The following ITGA6 variants were observed in gnomAD, a reference collection of about 807,000 sequenced individuals.
The protein encoded by ITGA6 is integrin subunit alpha 6.
Under a neutral mutation model 133.6 loss-of-function variants are expected in ITGA6, and 63 were observed. The observed-to-expected ratio is 0.47, with a 90% confidence interval of 0.38 to 0.58. The LOEUF is 0.58. ITGA6 is among the 20% of genes least tolerant of loss of function. The pLI, the probability that ITGA6 is intolerant of heterozygous loss-of-function variation, is 0.00. For missense variants in ITGA6, 1,068 were observed against 1,309.4 expected, an observed-to-expected ratio of 0.82 and a Z score of 2.85; for synonymous variants, 434 against 482.0, an observed-to-expected ratio of 0.90 and a Z score of 1.30.
chr2:172,461,087 A>G (rs1685410804), intron 1 of ITGA6, among the ~76,000 whole-genome samples: 1 of 152,186 alleles, frequency 6.6e-6, no homozygotes, highest in South Asian at 2.1e-4. Context: ...AGAATTTTGA[A>G]ATAACCTTGT....
intron 1 of ITGA6, among the ~76,000 whole-genome samples, chr2:172,461,193 T>C (rs143358173): frequency 6.6e-6 from 1 of 152,256 alleles, no homozygotes; most frequent in Non-Finnish European, 1.5e-5. Flanking sequence ...GTTACTGTTA[T>C]ACTTATATCG....
In ITGA6 at chr2:172,487,554, A is replaced by G; in HGVS notation, c.2168A>G (p.Gln723Arg). The G allele has an allele frequency of 6.2e-7, 1 of 1,614,128 alleles. No individual in the cohort carries two copies. Among genetic ancestry groups the G allele is most frequent in the Non-Finnish European group, 8.5e-7 (1 of 1,179,934 alleles). The change falls in exon 16 of 26, where the codon CAG becomes CGG. Residue 723 changes from glutamine (Q) to arginine (R), a missense_variant. Transcript: ENST00000684293. ...YRELRAFPEK[Q>R]LSCVANQNGS... ...CGTGTGTTTCTTTTACAGGAGAAACAGTTGAGTTGTGTTGCCAACCAGAAT... is the reference window on the plus strand; with the variant it reads ...CGTGTGTTTCTTTTACAGGAGAAACGGTTGAGTTGTGTTGCCAACCAGAAT...
intron 3 of ITGA6, among the ~76,000 whole-genome samples, chr2:172,468,628 T>C (rs1480865499): frequency 1.3e-5 from 2 of 152,188 alleles, no homozygotes; most frequent in Non-Finnish European, 2.9e-5. Flanking sequence ...AAGTTAGGAC[T>C]GATTACAAGG....
At chr2:172,427,508 AGGAGGGGCGAGAGGGTGG>A (rs1273121718), upstream of ITGA6, 8 of 909,590 alleles carry the variant, frequency 8.8e-6, no homozygotes, top group Non-Finnish European at 1.1e-5. Flanking sequence ...CGGGCGCGCA[AGGAGGGGCGAGAGGGTGG>A]GGAGGGGCGG....
chr2:172,502,748 T>G (rs1687397854), intron 25 of ITGA6, among the ~76,000 whole-genome samples: 1 of 152,248 alleles, frequency 6.6e-6, no homozygotes, highest in South Asian at 2.1e-4. Flanking sequence ...TTCTCTTATT[T>G]GGAAATACAT....
At chr2:172,485,984 C>T (rs909002973) in intron 13 of ITGA6, among the ~76,000 whole-genome samples, 1 of 152,106 alleles carries the variant, frequency 6.6e-6, no homozygotes, top group African/African-American at 2.4e-5. Context: ...TGAGACCAGC[C>T]TGGCCAACAT....
intron 1 of ITGA6, among the ~76,000 whole-genome samples, chr2:172,453,333 C>T (rs6718033): frequency 0.2 from 29,745 of 151,958 alleles, 3,048 homozygotes; most frequent in African/African-American, 0.22. Flanking sequence ...TCGAGACCAG[C>T]CTGAGCAACA....
rs1205779224 is a variant in ITGA6, at chr2:172,488,054, T to C, written c.2402+16T>C. ...CGGTCTCGGGGTAAGTGTTTGTGTT[T>C]AGCATAACAAATCAATGTTTGAAAG... On this transcript the variant is annotated intron_variant, in intron 18 of 25. Coordinates refer to ENST00000684293, the MANE Select transcript of ITGA6 (RefSeq NM_000210.4). 8 of 1,613,238 alleles carry C rather than the reference T, an allele frequency of 5.0e-6. No homozygotes were observed. The highest frequency in any genetic ancestry group is 3.3e-5 in the South Asian group (3 of 91,064).
chr2:172,499,533 AT>A (rs1687266494), intron 24 of ITGA6, among the ~76,000 whole-genome samples: 1 of 151,412 alleles, frequency 6.6e-6, no homozygotes, highest in African/African-American at 2.4e-5. Flanking sequence ...TAGTTTTTAA[AT>A]TTTTTTTCAT....
Position 172,427,589 on chromosome 2 carries a change from G to C in ITGA6, c.-200G>C, listed in dbSNP as rs987044808. On this transcript the variant is annotated 5_prime_UTR_variant, in exon 1 of 26. Transcript: ENST00000684293. ...CGCCTGCGAGTCTCCAGAGAACAAC[G>C]GGCTCATTCAGCGGTCGCGAGCTGC... The C allele has an allele frequency of 4.8e-5, 61 of 1,261,680 alleles. No homozygotes were observed. Among genetic ancestry groups the C allele is most frequent in the African/African-American group, 1.4e-4 (9 of 63,504 alleles). The allele number at this position is 1,261,680 out of a possible 1,614,324, so 78.2% of individuals were successfully genotyped here.
chr2:172,455,648 T>C (rs1685177663), intron 1 of ITGA6, among the ~76,000 whole-genome samples: 1 of 152,240 alleles, frequency 6.6e-6, no homozygotes, highest in Middle Eastern at 3.2e-3. Context: ...CAGGTTATTC[T>C]GAAGTGATTC....
intron 1 of ITGA6, among the ~76,000 whole-genome samples, chr2:172,462,155 G>C (rs192028361): frequency 2.0e-5 from 3 of 152,168 alleles, no homozygotes; most frequent in Non-Finnish European, 4.4e-5. Flanking sequence ...CTTACCTTTC[G>C]GTGATGGGTT....
At position 172,474,879 on chromosome 2, in the gene ITGA6, T is replaced by C. The variant is rs757663917; in HGVS notation, c.987-50T>C. ...TCCTTAGTACCTAGACTGGTGTTGCTGGTATGTTAGCTGTTGGTTCACGGC... is the reference window on the plus strand; with the variant it reads ...TCCTTAGTACCTAGACTGGTGTTGCCGGTATGTTAGCTGTTGGTTCACGGC... On this transcript the variant is annotated intron_variant, in intron 6 of 25. Coordinates refer to ENST00000684293, the MANE Select transcript of ITGA6 (RefSeq NM_000210.4). 4.0e-5 allele frequency: 35 copies of C among 885,030 alleles called. 1 individual carries two copies. The South Asian group carries it at 4.3e-4, about 11-fold the overall frequency. The allele number at this position is 885,030 out of a possible 1,614,324, so 54.8% of individuals were successfully genotyped here.
In ITGA6 at chr2:172,427,959, G is replaced by C. The variant is rs1683925338; in HGVS notation, c.171G>C (p.Glu57Asp). The change falls in exon 1 of 26, where the codon GAG (glutamate) becomes GAC (aspartate). Residue 57 changes from glutamate to aspartate, a missense_variant. Physicochemically the swap from Glu to Asp is conservative, Grantham distance 45. Coordinates refer to ENST00000684293, the MANE Select transcript of ITGA6 (RefSeq NM_000210.4). ...SLAMHWQLQP[E>D]DKRLLLVGAP... ...CCATGCACTGGCAACTGCAGCCCGA[G>C]GACAAGCGGCTGTGAGTTCCCAGAC... 1 of 1,604,318 alleles carries C rather than the reference G, an allele frequency of 6.2e-7. No homozygotes were observed. The highest frequency in any genetic ancestry group is 1.1e-5 in the South Asian group (1 of 89,714).
intron 11 of ITGA6, among the ~76,000 whole-genome samples, chr2:172,483,009 G>A (rs564969571): frequency 3.3e-5 from 5 of 152,234 alleles, no homozygotes; most frequent in Non-Finnish European, 5.9e-5. Context: ...CCTTGTCCTC[G>A]GCTTTGCCCC....
chr2:172,478,890 C>T (rs1686297938), intron 9 of ITGA6, among the ~76,000 whole-genome samples: 1 of 152,200 alleles, frequency 6.6e-6, no homozygotes, highest in East Asian at 1.9e-4. Flanking sequence ...TATTAATTCA[C>T]ATACTGTAGA....
At chr2:172,439,964 T>G (rs1460147830) in intron 1 of ITGA6, among the ~76,000 whole-genome samples, 2 of 152,118 alleles carry the variant, frequency 1.3e-5, no homozygotes, top group African/African-American at 2.4e-5. Context: ...CTGGGAGAGA[T>G]AGAAAATACA....
chr2:172,485,130 A>G lies in ITGA6; in HGVS notation c.1720A>G (p.Arg574Gly). ...EETLWLQDNI[R>G]DKLRPIPITA... ...CATGCTTTTCATGCAGGATAATATC[A>G]GAGATAAACTGCGTCCCATTCCCAT... Residue 574 changes from arginine (R) to glycine (G), a missense_variant, in exon 13 of 26, where the codon AGA becomes GGA. Around this residue, in one of 3 missense-constraint regions of ITGA6, gnomAD observed 609 missense variants for 707.2 expected, o/e 0.86. Coordinates refer to ENST00000684293, the MANE Select transcript of ITGA6 (RefSeq NM_000210.4). The G allele has an allele frequency of 6.2e-7, 1 of 1,614,044 alleles. No individual in the cohort carries two copies. The highest frequency in any genetic ancestry group is 8.5e-7 in the Non-Finnish European group (1 of 1,179,884).
intron 1 of ITGA6, among the ~76,000 whole-genome samples, chr2:172,457,173 A>G (rs1685242517): frequency 6.6e-6 from 1 of 151,892 alleles, no homozygotes; most frequent in African/African-American, 2.4e-5. Context: ...GGGCACCTGT[A>G]GTGCGAGCTA....
Sources: allele counts gnomAD v4.1 joint callset (sites outside exome capture counted in the v4.1 genomes callset), GRCh38; gene constraint gnomAD v4.1.1; regional missense constraint gnomAD v4.1.1; transcripts MANE v1.5; gene names NCBI Gene and HGNC (gene_info 2026-07-23, HGNC 2026-07-21).